The following LARP4B variants were observed in gnomAD, a reference collection of about 807,000 sequenced individuals.
LARP4B encodes la-related protein 4B.
In LARP4B, 12 loss-of-function variants were observed where a neutral mutation model predicts 89.8. The observed-to-expected ratio is 0.13, with a 90% CI of 0.09 to 0.22. LARP4B has a LOEUF of 0.22. Among genes scored for constraint, LARP4B ranks in the 10% least tolerant of loss-of-function variants. The pLI is 1.00. For missense variants in LARP4B, 757 were observed against 947.7 expected, an observed-to-expected ratio of 0.80 and a Z score of 2.64; for synonymous variants, 367 against 363.3, an observed-to-expected ratio of 1.01 and a Z score of -0.12.
At chr10:981,714 C>A in the LARP4B span, among the ~76,000 whole-genome samples, 1 of 152,120 alleles carries the variant, frequency 6.6e-6, no homozygotes, top group Non-Finnish European at 1.5e-5. Flanking sequence ...GGATTACAGG[C>A]GCCTGCCACT....
Position 811,124 on chromosome 10 carries a change from C to T in LARP4B, c.*1802G>A, listed in dbSNP as rs545754876. On this transcript the variant is annotated 3_prime_UTR_variant, in exon 18 of 18. Transcript: ENST00000316157. ...AAACATCTGGAGGCTTTTAATAAGA[C>T]TTTCCAATTCCCTTTTGCAGCAAAG... is the stretch of plus-strand genomic sequence containing the variant. 6.5e-6 allele frequency: 1 copy of T among 152,738 alleles called. No individual in the cohort carries two copies. Among genetic ancestry groups the T allele is most frequent in the Non-Finnish European group, 1.5e-5 (1 of 68,026 alleles). 9.5% of individuals were successfully genotyped at this position (152,738 alleles called of 1,614,324 possible).
chr10:879,681 T>C (rs1425834764), intron 3 of LARP4B, among the ~76,000 whole-genome samples: 1 of 152,132 alleles, frequency 6.6e-6, no homozygotes, highest in African/African-American at 2.4e-5. Flanking sequence ...TTTGTAGATA[T>C]GGGGTCTTGA....
chr10:840,001 G>T (rs1273265934), intron 7 of LARP4B, among the ~76,000 whole-genome samples: 2 of 152,142 alleles, frequency 1.3e-5, no homozygotes, highest in Non-Finnish European at 2.9e-5. Context: ...CAATAGTTAT[G>T]CCAGACCAAA....
chr10:920,520 T>C (rs916337147), intron 1 of LARP4B, among the ~76,000 whole-genome samples: 3 of 152,214 alleles, frequency 2.0e-5, no homozygotes, highest in Non-Finnish European at 4.4e-5. Flanking sequence ...AGGCCTGTAA[T>C]CCCAGCACTT....
chr10:845,086 A>T, intron 5 of LARP4B, 31 bp from the exon 6 acceptor site: 4 of 1,550,426 alleles, frequency 2.6e-6, no homozygotes, highest in Non-Finnish European at 3.5e-6. Context: ...ACTTAGGAAA[A>T]CCGGCTTAAA....
In LARP4B at chr10:912,288, AAG is replaced by A. The variant is rs1176879359; in HGVS notation, c.-40+19138_-40+19139del. Among the ~76,000 whole-genome samples the A allele has an allele frequency of 2.0e-5, 3 of 152,088 alleles. No individual in the cohort carries two copies. In the East Asian group the frequency reaches 5.8e-4, roughly 29 times the overall value. ...ATGACAGCTGATGAGATGCTTAAAAAAGAGAGAGAGAAAAGAAAAGAAAAAAA... is the reference window on the plus strand; with the variant it reads ...ATGACAGCTGATGAGATGCTTAAAAAAGAGAGAGAAAAGAAAAGAAAAAAA... On this transcript the variant is annotated intron_variant, in intron 1 of 17. Transcript: ENST00000316157.
intron 1 of LARP4B, among the ~76,000 whole-genome samples, chr10:902,355 A>ATG (rs1295427479): frequency 2.6e-5 from 4 of 152,186 alleles, no homozygotes; most frequent in Non-Finnish European, 4.4e-5. Flanking sequence ...TCGGAGTACC[A>ATG]CTTCTTGCTT....
At chr10:892,411 G>A (rs1398901845) in intron 1 of LARP4B, among the ~76,000 whole-genome samples, 2 of 152,124 alleles carry the variant, frequency 1.3e-5, no homozygotes, top group African/African-American at 4.8e-5. Flanking sequence ...CACCAGAAAT[G>A]TTTATTGCAT....
chr10:916,404 A>G (rs948573528), intron 1 of LARP4B, among the ~76,000 whole-genome samples: 1 of 152,134 alleles, frequency 6.6e-6, no homozygotes, highest in African/African-American at 2.4e-5. Context: ...TTTTTAAGAG[A>G]CAAGGTCTTG....
At chr10:920,257 C>T (rs1836943286) in intron 1 of LARP4B, among the ~76,000 whole-genome samples, 2 of 152,198 alleles carry the variant, frequency 1.3e-5, no homozygotes, top group African/African-American at 4.8e-5. Context: ...CCAGCTGTAT[C>T]TCTAATTAAT....
intron 1 of LARP4B, among the ~76,000 whole-genome samples, chr10:902,920 G>A (rs541735614): frequency 6.6e-6 from 1 of 152,166 alleles, no homozygotes; most frequent in Non-Finnish European, 1.5e-5. Flanking sequence ...TGGGATTACC[G>A]GTGTGAGCCA....
intron 3 of LARP4B, among the ~76,000 whole-genome samples, chr10:867,319 T>C (rs923643708): frequency 6.6e-6 from 1 of 152,214 alleles, no homozygotes; most frequent in Admixed American, 6.5e-5. Context: ...CGTTATTCAC[T>C]GGACTCATTT....
chr10:833,904 AAGAC>A (rs1833063950), intron 8 of LARP4B, among the ~76,000 whole-genome samples: 1 of 151,808 alleles, frequency 6.6e-6, no homozygotes, highest in African/African-American at 2.4e-5. Flanking sequence ...AAAAAAAAAA[AAGAC>A]AGAAATTTTC....
chr10:931,596 TGGC>T lies in LARP4B; in HGVS notation c.-211_-209del, dbSNP rs916877105. The T allele has an allele frequency of 2.0e-4, 31 of 152,290 alleles. No individual in the cohort carries two copies. The highest frequency in any genetic ancestry group is 3.8e-4 in the Non-Finnish European group (26 of 69,138). 9.4% of individuals were successfully genotyped at this position (152,290 alleles called of 1,614,324 possible). On this transcript the variant is annotated 5_prime_UTR_variant, in exon 1 of 18. Coordinates refer to ENST00000316157, the MANE Select transcript of LARP4B (RefSeq NM_015155.3). ...GGTAGGGGAGAGGGCGGGCGCGAGC[TGGC>T]GGCGGCGGCGGCGGCGGATTCTTCC...
chr10:866,954 T>C (rs1834924257), intron 3 of LARP4B, among the ~76,000 whole-genome samples: 1 of 152,222 alleles, frequency 6.6e-6, no homozygotes, highest in African/African-American at 2.4e-5. Context: ...GTAGTACTGC[T>C]GATAGCCAGC....
chr10:834,385 C>G (rs892161666), intron 8 of LARP4B, among the ~76,000 whole-genome samples: 1 of 152,184 alleles, frequency 6.6e-6, no homozygotes, highest in Non-Finnish European at 1.5e-5. Flanking sequence ...GACTCCTCTG[C>G]CTCTGGGAAA....
At chr10:838,815 G>T (rs919215246) in intron 7 of LARP4B, among the ~76,000 whole-genome samples, 1 of 152,206 alleles carries the variant, frequency 6.6e-6, no homozygotes, top group Non-Finnish European at 1.5e-5. Context: ...GCATACAGAT[G>T]TTTATAGCAA....
intron 14 of LARP4B, chr10:818,171 A>G (rs892337322): frequency 6.7e-6 from 2 of 296,452 alleles, no homozygotes; most frequent in Non-Finnish European, 1.3e-5. Flanking sequence ...GGCTGCCAGC[A>G]CTCACGAACA....
chr10:926,828 G>A (rs1837150415), intron 1 of LARP4B, among the ~76,000 whole-genome samples: 1 of 152,198 alleles, frequency 6.6e-6, no homozygotes, highest in African/African-American at 2.4e-5. Flanking sequence ...CTTGAGGTCA[G>A]AAGTTCAAGA....
Sources: allele counts gnomAD v4.1 joint callset (sites outside exome capture counted in the v4.1 genomes callset), GRCh38; gene constraint gnomAD v4.1.1; transcripts MANE v1.5; gene names NCBI Gene and HGNC (gene_info 2026-07-23, HGNC 2026-07-21).